ZNF611: variants seen among roughly 807,000 people sequenced by gnomAD.
ZNF611 encodes zinc finger protein 611.
Under a neutral mutation model 8.9 loss-of-function variants are expected in ZNF611, and 6 were observed. The observed-to-expected ratio is 0.68, with a 90% CI of 0.37 to 1.34. The LOEUF is 1.34. Ranked by LOEUF, ZNF611 falls within the 40% of genes most tolerant of loss-of-function variation. The pLI is 0.02. For missense variants in ZNF611, 874 were observed against 841.3 expected (o/e 1.04, Z -0.48); for synonymous variants, 262 against 279.7 (o/e 0.94, Z 0.63).
intron 3 of ZNF611, among the ~76,000 whole-genome samples, chr19:52,716,821 C>G (rs1344314543): frequency 1.3e-5 from 2 of 152,080 alleles, no homozygotes; most frequent in South Asian, 2.1e-4. Flanking sequence ...CTGTGGGAGG[C>G]CAAGGCAGTC....
intron 3 of ZNF611, among the ~76,000 whole-genome samples, chr19:52,717,139 G>C (rs1469133358): frequency 5.3e-5 from 8 of 152,022 alleles, no homozygotes; most frequent in South Asian, 2.1e-4. Flanking sequence ...ATTTAAAGTT[G>C]TCCCACTTTC....
chr19:52,713,758 T>G (rs1194575874), intron 5 of ZNF611, among the ~76,000 whole-genome samples: 1 of 151,784 alleles, frequency 6.6e-6, no homozygotes, highest in African/African-American at 2.4e-5. Context: ...GGGTGTGGTC[T>G]CGCATGCCTA....
intron 1 of ZNF611, 72 bp downstream of exon 1, chr19:52,734,929 C>T (rs1208203373): frequency 6.6e-6 from 1 of 152,306 alleles, no homozygotes; most frequent in African/African-American, 2.4e-5. Context: ...CTGTGGGGAC[C>T]CCACGTCCCA....
chr19:52,716,938 C>G (rs1357363812), intron 3 of ZNF611, among the ~76,000 whole-genome samples: 1 of 151,806 alleles, frequency 6.6e-6, no homozygotes, highest in South Asian at 2.1e-4. Context: ...GAAGCTGAGG[C>G]AGGAGAATCA....
chr19:52,730,411 AAAAAAAAAAAAAAC>A (rs2062418757), intron 1 of ZNF611, among the ~76,000 whole-genome samples: 1 of 150,418 alleles, frequency 6.6e-6, no homozygotes, highest in South Asian at 2.1e-4. Context: ...AAAAAAAAAA[AAAAAAAAAAAAAAC>A]ATGATGTAGG....
rs1427254621 is a variant in ZNF611 at position 52,704,355 on chromosome 19, A to G, written c.*582T>C. 1.6e-6 allele frequency: 1 copy of G among 621,360 alleles called. No individual in the cohort carries two copies. Among genetic ancestry groups the G allele is most frequent in the Non-Finnish European group, 3.1e-6 (1 of 319,560 alleles). The allele number at this position is 621,360 out of a possible 1,614,324, so 38.5% of individuals were successfully genotyped here. ...CCTTGCCACACTGATGACATTTGTA[A>G]GATTTCTGTCCAGTATAGATTCTCT... On this transcript the variant is annotated 3_prime_UTR_variant, in exon 6 of 6. Transcript: ENST00000652185.
At chr19:52,715,414 C>T (rs774122818) in intron 4 of ZNF611, among the ~76,000 whole-genome samples, 25 of 152,310 alleles carry the variant, frequency 1.6e-4, no homozygotes, top group African/African-American at 2.9e-4. Context: ...GATACCATGC[C>T]GGATACAAAA....
chr19:52,716,786 G>A (rs181591142), intron 3 of ZNF611, among the ~76,000 whole-genome samples: 99 of 152,312 alleles, frequency 6.5e-4, no homozygotes, highest in African/African-American at 2.2e-3. Context: ...ACCCAGCACA[G>A]TGGCTCAGGA....
rs752646757 is a variant in ZNF611, at chr19:52,706,151, G to A, written c.904C>T (p.Leu302Phe). 7 of 1,614,084 alleles carry A rather than the reference G, an allele frequency of 4.3e-6. No individual in the cohort carries two copies. The highest frequency in any genetic ancestry group is 5.1e-6 in the Non-Finnish European group (6 of 1,179,980). ...CGKTFSQESSLTCHRRLHTGV... is the reference protein window; with the variant it reads ...CGKTFSQESSFTCHRRLHTGV... ...GTATGAAGTCTACGATGGCAGGTAA[G>A]GGATGACTCCTGACTGAAGGTCTTG... Residue 302 changes from leucine to phenylalanine, a missense_variant, in exon 6 of 6, where the codon CTT becomes TTT. Leu to Phe is a conservative substitution (Grantham distance 22). Coordinates refer to ENST00000652185, the MANE Select transcript of ZNF611 (RefSeq NM_001161499.2).
intron 3 of ZNF611, chr19:52,723,952 T>C (rs1260272494): frequency 1.3e-5 from 2 of 152,266 alleles, no homozygotes; most frequent in Admixed American, 1.3e-4. Context: ...GCCACCAGCA[T>C]GTCTCACCTA....
intron 2 of ZNF611, 170 bp downstream of exon 2, chr19:52,729,736 A>C (rs904498806): frequency 6.6e-6 from 1 of 152,144 alleles, no homozygotes; most frequent in African/African-American, 2.4e-5. Context: ...AAATAAGTAC[A>C]TTTATATAGG....
chr19:52,714,254 C>T, intron 4 of ZNF611, 113 bp from the exon 5 acceptor site: 1 of 1,526,126 alleles, frequency 6.6e-7, no homozygotes, highest in Non-Finnish European at 8.8e-7. Flanking sequence ...TATGTTCTGA[C>T]AAAAGGATGT....
Position 52,723,015 on chromosome 19 carries a change from G to A in ZNF611, c.-20+5715C>T, listed in dbSNP as rs148984664. On this transcript the variant is annotated intron_variant, in intron 3 of 5. Transcript: ENST00000652185. ...CTCTGTCCCAGTCTCCTAAAGTGCT[G>A]GGATTACAGGCATGAGCCACTGCGC... is the stretch of plus-strand genomic sequence containing the variant. Among the ~76,000 whole-genome samples the A allele has an allele frequency of 2.3e-3, 339 of 149,292 alleles. 1 individual carries two copies. Among genetic ancestry groups the A allele is most frequent in the African/African-American group, 6.4e-3 (260 of 40,672 alleles).
In ZNF611 at chr19:52,706,372, T is replaced by A. The variant is rs750188604; in HGVS notation, c.683A>T (p.Glu228Val). 8.1e-6 allele frequency: 13 copies of A among 1,614,122 alleles called. No homozygotes were observed. Among genetic ancestry groups the A allele is most frequent in the Non-Finnish European group, 1.1e-5 (13 of 1,180,050 alleles). Residue 228 changes from glutamate (E) to valine (V), a missense_variant, in exon 6 of 6, where the codon GAA becomes GTA. Coordinates refer to ENST00000652185, the MANE Select transcript of ZNF611 (RefSeq NM_001161499.2). Reference sequence around the variant, plus strand: ...ACTCTTATTACATTGGAAAGATTTTTCTCTCATGTGTACTTCCTGTTTTTG... The same window carrying A: ...ACTCTTATTACATTGGAAAGATTTTACTCTCATGTGTACTTCCTGTTTTTG... ...LPQKQEVHMR[E>V]KSFQCNKSGK... is the part of the protein sequence containing the mutation.
rs766220401 is a variant in ZNF611 at position 52,705,518 on chromosome 19, C to T, written c.1537G>A (p.Asp513Asn). 7 of 1,613,784 alleles carry T rather than the reference C, an allele frequency of 4.3e-6. No homozygotes were observed. The East Asian group carries it at 8.9e-5, about 21-fold the overall frequency. ...CGACTGAAAACCTTTTCACATTCAT[C>T]ACATTTGTAAGGTTGCTCCCCAGTA... ...IHTGEQPYKC[D>N]ECEKVFSRKS... is the part of the protein sequence containing the mutation. The change falls in exon 6 of 6, where the codon GAT (aspartate) becomes AAT (asparagine). Residue 513 changes from aspartate (D) to asparagine (N), a missense_variant. By Grantham distance (23) the Asp-to-Asn change is conservative. Coordinates refer to ENST00000652185, the MANE Select transcript of ZNF611 (RefSeq NM_001161499.2).
At chr19:52,707,783 C>T (rs2062255146) in intron 5 of ZNF611, among the ~76,000 whole-genome samples, 1 of 151,750 alleles carries the variant, frequency 6.6e-6, no homozygotes, top group Non-Finnish European at 1.5e-5. Flanking sequence ...TACAGGCATG[C>T]ACCACTATGC....
chr19:52,704,540 G>T lies in ZNF611; in HGVS notation c.*397C>A. 8.0e-7 allele frequency: 1 copy of T among 1,256,324 alleles called. No individual in the cohort carries two copies. Among genetic ancestry groups the T allele is most frequent in the South Asian group, 1.2e-5 (1 of 80,216 alleles). 77.8% of individuals were successfully genotyped at this position (1,256,324 alleles called of 1,614,324 possible). A position where few individuals can be genotyped will look rare whatever the true frequency, so the allele number is the denominator to read the frequency against. ...CATTTGTAAGGTTTCTCTCCAGTATGAGTTCACCGATGACCTGCAATATGT... is the reference window on the plus strand; with the variant it reads ...CATTTGTAAGGTTTCTCTCCAGTATTAGTTCACCGATGACCTGCAATATGT... On this transcript the variant is annotated 3_prime_UTR_variant, in exon 6 of 6. Coordinates refer to ENST00000652185, the MANE Select transcript of ZNF611 (RefSeq NM_001161499.2).
chr19:52,734,543 G>A (rs891603922), intron 1 of ZNF611, among the ~76,000 whole-genome samples: 1 of 53,976 alleles, frequency 1.9e-5, no homozygotes, highest in Admixed American at 1.6e-4. Context: ...GGGCGGGGGG[G>A]GGGGGCGCGA....
Position 52,706,868 on chromosome 19 carries a change from C to A in ZNF611, c.191-4G>T, listed in dbSNP as rs745849744. On this transcript the variant is annotated splice_polypyrimidine_tract_variant and splice_region_variant and intron_variant, in intron 5 of 5. Coordinates refer to ENST00000652185, the MANE Select transcript of ZNF611 (RefSeq NM_001161499.2). ...ATCATGCATTTGGAAGAGATATCTA[C>A]AAAATATAAACACCAATACATTTCC... The A allele has an allele frequency of 3.7e-6, 6 of 1,606,902 alleles. No homozygotes were observed. The African/African-American group carries it at 5.4e-5, about 14-fold the overall frequency.
Sources: allele counts gnomAD v4.1 joint callset (sites outside exome capture counted in the v4.1 genomes callset), GRCh38; gene constraint gnomAD v4.1.1; transcripts MANE v1.5; gene names NCBI Gene and HGNC (gene_info 2026-07-23, HGNC 2026-07-21).